DDX60L: variants seen among roughly 807,000 people sequenced by gnomAD.
The protein encoded by DDX60L is DExD/H-box 60 like.
A neutral mutation model predicts 211.6 loss-of-function variants in DDX60L; 191 were observed. That is an observed-to-expected ratio of 0.90 (90% CI 0.80 to 1.02). DDX60L has a LOEUF of 1.02. Among genes scored for constraint, DDX60L ranks in the 50% least tolerant of loss-of-function variants. The pLI is 0.00. For missense variants in DDX60L, 2,007 were observed against 1,984.1 expected, an observed-to-expected ratio of 1.01 and a Z score of -0.22; for synonymous variants, 706 against 694.1, an observed-to-expected ratio of 1.02 and a Z score of -0.27.
At position 168,463,755 on chromosome 4, in the gene DDX60L, A is replaced by T. The variant is rs151079953; in HGVS notation, c.265-1715T>A. Among the ~76,000 whole-genome samples, 617 of 152,320 alleles carry T rather than the reference A, an allele frequency of 4.1e-3. 9 individuals are homozygous for T. Among genetic ancestry groups the T allele is most frequent in the African/African-American group, 0.014 (576 of 41,570 alleles). The stretch of plus-strand genomic sequence containing the variant: ...CCCCAAAAAAATCCTATGTATAAAG[A>T]TTGAACAAATATAGACTAGAATTCT... On this transcript the variant is annotated intron_variant, in intron 4 of 37. Transcript: ENST00000682922.
intron 7 of DDX60L, among the ~76,000 whole-genome samples, chr4:168,455,272 TTG>T (rs34353821): frequency 0.3 from 42,915 of 144,012 alleles, 7,675 homozygotes; most frequent in East Asian, 0.61. Context: ...CATACAAACT[TTG>T]TGTGTGTGTG....
intron 29 of DDX60L, chr4:168,390,539 G>A: frequency 7.3e-7 from 1 of 1,372,234 alleles, no homozygotes. Flanking sequence ...ATCTAAATTT[G>A]AATAAGAAAA....
chr4:168,380,959 T>G (rs1258029556), intron 30 of DDX60L, among the ~76,000 whole-genome samples: 1 of 152,224 alleles, frequency 6.6e-6, no homozygotes, highest in Admixed American at 6.5e-5. Flanking sequence ...GTGCTCCTGC[T>G]CTAGGGAACT....
At chr4:168,359,905 G>C (rs1175077413) in intron 37 of DDX60L, among the ~76,000 whole-genome samples, 1 of 151,982 alleles carries the variant, frequency 6.6e-6, no homozygotes, top group Non-Finnish European at 1.5e-5. Flanking sequence ...TAATATTTCT[G>C]CACATTTGGA....
At chr4:168,453,050 A>G (rs1225984655) in intron 8 of DDX60L, 74 bp downstream of exon 8, 1 of 1,399,948 alleles carries the variant, frequency 7.1e-7, no homozygotes, top group Non-Finnish European at 9.6e-7. Context: ...TTATTCCAAT[A>G]TAACTCTAGT....
chr4:168,461,424 G>A (rs188220804), intron 5 of DDX60L, among the ~76,000 whole-genome samples: 260 of 152,210 alleles, frequency 1.7e-3, no homozygotes, highest in Non-Finnish European at 3.1e-3. Context: ...TACAGATGAG[G>A]TGACAATACC....
At position 168,399,778 on chromosome 4, in the gene DDX60L, G is replaced by GA. The variant is rs539426959; in HGVS notation, c.3491+1047dup. Among the ~76,000 whole-genome samples the GA allele has an allele frequency of 4.2e-3, 637 of 150,976 alleles. 1 individual carries two copies. Among genetic ancestry groups the GA allele is most frequent in the Non-Finnish European group, 7.6e-3 (512 of 67,652 alleles). On this transcript the variant is annotated intron_variant, in intron 26 of 37. Coordinates refer to ENST00000682922, the MANE Select transcript of DDX60L (RefSeq NM_001012967.3). ...AATTAATCAGACCTTGGGGAGAAAGGAAAAAAAAATCACAGCAGTGAAGTC... is the reference window on the plus strand; with the variant it reads ...AATTAATCAGACCTTGGGGAGAAAGGAAAAAAAAAATCACAGCAGTGAAGTC...
intron 12 of DDX60L, among the ~76,000 whole-genome samples, chr4:168,431,004 T>C (rs1752265113): frequency 6.6e-6 from 1 of 152,214 alleles, no homozygotes; most frequent in Non-Finnish European, 1.5e-5. Flanking sequence ...AATGATTATA[T>C]GAGTACCTAC....
intron 32 of DDX60L, 145 bp downstream of exon 32, chr4:168,379,218 G>T: frequency 1.6e-6 from 1 of 612,404 alleles, no homozygotes; most frequent in Non-Finnish European, 2.5e-6. Context: ...CTAATTTTTT[G>T]GCATCTGTAA....
chr4:168,479,794 C>A (rs1467505036), intron 1 of DDX60L, among the ~76,000 whole-genome samples: 1 of 146,114 alleles, frequency 6.8e-6, no homozygotes, highest in African/African-American at 2.6e-5. Context: ...ATGGTGAAAC[C>A]CCGTCTCTAC....
At chr4:168,435,484 C>A (rs929092439) in intron 10 of DDX60L, among the ~76,000 whole-genome samples, 3 of 152,172 alleles carry the variant, frequency 2.0e-5, no homozygotes, top group Admixed American at 6.5e-5. Flanking sequence ...TGGAAATTGC[C>A]AGTAGATTCC....
intron 1 of DDX60L, among the ~76,000 whole-genome samples, chr4:168,473,095 C>T (rs1759025381): frequency 6.6e-6 from 1 of 152,122 alleles, no homozygotes. Context: ...GCAAACAGAA[C>T]AGCATGTGCA....
chr4:168,470,714 C>T (rs1003468546), intron 4 of DDX60L: 1 of 161,140 alleles, frequency 6.2e-6, no homozygotes, highest in Non-Finnish European at 1.4e-5. Flanking sequence ...GTGGCACGCG[C>T]CTGTAATCCC....
intron 13 of DDX60L, 81 bp from the exon 14 acceptor site, chr4:168,427,403 C>T (rs376603972): frequency 1.4e-6 from 2 of 1,471,276 alleles, no homozygotes; most frequent in Non-Finnish European, 1.8e-6. Context: ...ATTTTTTGTG[C>T]ACTTACTGAG....
chr4:168,376,849 T>C (rs2046770), intron 33 of DDX60L, among the ~76,000 whole-genome samples: 53,896 of 152,160 alleles, frequency 0.35, 9,935 homozygotes, highest in African/African-American at 0.45. Flanking sequence ...ATTTTTGCTA[T>C]AGTTTACACA....
At chr4:168,439,047 G>A (rs1753456698) in intron 10 of DDX60L, among the ~76,000 whole-genome samples, 1 of 152,120 alleles carries the variant, frequency 6.6e-6, no homozygotes, top group African/African-American at 2.4e-5. Context: ...TTAACATGCC[G>A]TTGGTTGTAT....
At chr4:168,457,580 G>A (rs570323158) in intron 6 of DDX60L, among the ~76,000 whole-genome samples, 1 of 152,192 alleles carries the variant, frequency 6.6e-6, no homozygotes, top group African/African-American at 2.4e-5. Flanking sequence ...TATGGCAAAT[G>A]ATATCTTAGA....
chr4:168,449,666 G>GGAAAAAAAAAAAAAAA (rs1755482673), intron 8 of DDX60L, among the ~76,000 whole-genome samples: 3 of 19,822 alleles, frequency 1.5e-4, no homozygotes, highest in African/African-American at 2.4e-4. Context: ...AAAAAAAAAA[G>GGAAAAAAAAAAAAAAA]AAAAAAGAAA....
chr4:168,471,755 A>G lies in DDX60L; in HGVS notation c.256T>C (p.Phe86Leu). 6.3e-7 allele frequency: 1 copy of G among 1,592,188 alleles called. No individual in the cohort carries two copies. The highest frequency in any genetic ancestry group is 8.5e-7 in the Non-Finnish European group (1 of 1,174,724). Residue 86 changes from phenylalanine (F) to leucine (L), a missense_variant, in exon 4 of 38, where the codon TTC (phenylalanine) becomes CTC (leucine). Phe to Leu is a conservative substitution (Grantham distance 22). Coordinates refer to ENST00000682922, the MANE Select transcript of DDX60L (RefSeq NM_001012967.3). ...CAATCATCATATATTACCTTAAAGA[A>G]AACTATGGTGAATTGTCCTCCGTTA... ...LSNGGQFTIV[F>L]FKDAEYAYFD...
Sources: gnomAD v4.1 joint callset for allele counts (sites outside exome capture counted in the v4.1 genomes callset) on GRCh38, gnomAD v4.1.1 for gene constraint, MANE v1.5 for transcripts, NCBI Gene and HGNC (gene_info 2026-07-23, HGNC 2026-07-21) for gene names.